Variants in CDH12 observed in about 807,000 individuals in gnomAD.
CDH12 encodes cadherin-12.
A neutral mutation model predicts 74.1 loss-of-function variants in CDH12; 41 were observed. The observed-to-expected ratio is 0.55, with a 90% confidence interval of 0.43 to 0.72. The LOEUF is 0.72. CDH12 is among the 30% of genes least tolerant of loss of function. The probability of loss-of-function intolerance (pLI) is 0.00; values close to 1 mark genes in which losing one functional copy is unlikely to be tolerated. For synonymous variants in CDH12, 399 were observed against 355.0 expected (o/e 1.12, Z -1.39); for missense variants, 945 against 977.2 (o/e 0.97, Z 0.44).
intron 3 of CDH12, among the ~76,000 whole-genome samples, chr5:22,244,519 AAAAAAAAAAAAAAAG>A (rs1752853442): frequency 1.1e-4 from 1 of 8,878 alleles, no homozygotes; most frequent in Non-Finnish European, 2.3e-4. Flanking sequence ...AAAAAAAAAA[AAAAAAAAAAAAAAAG>A]AAGAAGAAGA....
At position 22,087,318 on chromosome 5, in the gene CDH12, C is replaced by T. The variant is rs138232879; in HGVS notation, c.-186-8456G>A. Among the ~76,000 whole-genome samples the T allele has an allele frequency of 4.7e-3, 707 of 151,986 alleles. 7 individuals are homozygous for T. Among genetic ancestry groups the T allele is most frequent in the African/African-American group, 0.016 (679 of 41,450 alleles). On this transcript the variant is annotated intron_variant, in intron 4 of 14. Coordinates refer to ENST00000382254, the MANE Select transcript of CDH12 (RefSeq NM_004061.5). ...AATCTACTTTCTGTCAGACACTGAA[C>T]GAGTTTACAAGAAGTGATGTGACAA...
At chr5:21,894,231 T>C (rs1313919379) in intron 6 of CDH12, among the ~76,000 whole-genome samples, 2 of 151,728 alleles carry the variant, frequency 1.3e-5, no homozygotes, top group African/African-American at 4.8e-5. Flanking sequence ...ATACAAAAAT[T>C]AGCCAGGCAT....
At chr5:22,011,630 C>T (rs1460293303) in intron 5 of CDH12, among the ~76,000 whole-genome samples, 1 of 152,098 alleles carries the variant, frequency 6.6e-6, no homozygotes, top group Admixed American at 6.6e-5. Flanking sequence ...TGTATACTAA[C>T]TTAGTCCCTG....
At chr5:22,667,111 T>C (rs73742154) in intron 1 of CDH12, among the ~76,000 whole-genome samples, 2,911 of 152,324 alleles carry the variant, frequency 0.019, 87 homozygotes, top group African/African-American at 0.067. Flanking sequence ...TAATGAGCAC[T>C]TTCTTTGTGA....
intron 1 of CDH12, among the ~76,000 whole-genome samples, chr5:22,745,674 A>G (rs760801935): frequency 1.3e-5 from 2 of 152,188 alleles, no homozygotes; most frequent in African/African-American, 2.4e-5. Flanking sequence ...GGAACACAAA[A>G]TAAAATACCA....
intron 5 of CDH12, among the ~76,000 whole-genome samples, chr5:21,993,666 C>T (rs1736099981): frequency 6.6e-6 from 1 of 152,112 alleles, no homozygotes; most frequent in African/African-American, 2.4e-5. Context: ...TTCAAAGCTG[C>T]TTCTTCCCTA....
chr5:22,574,841 G>A (rs1739707210), intron 1 of CDH12, among the ~76,000 whole-genome samples: 1 of 152,102 alleles, frequency 6.6e-6, no homozygotes, highest in African/African-American at 2.4e-5. Context: ...TAGAATGAGT[G>A]TACTTTGTGA....
At chr5:22,735,638 C>CATT (rs957629592) in intron 1 of CDH12, among the ~76,000 whole-genome samples, 1 of 151,878 alleles carries the variant, frequency 6.6e-6, no homozygotes, top group Admixed American at 6.6e-5. Flanking sequence ...TATTTTTACA[C>CATT]ATTATATCAG....
intron 5 of CDH12, among the ~76,000 whole-genome samples, chr5:22,024,557 G>A (rs1283051896): frequency 1.3e-5 from 2 of 151,980 alleles, no homozygotes; most frequent in Admixed American, 6.6e-5. Context: ...CTGTCACCCA[G>A]GCTGGAGTAC....
intron 3 of CDH12, among the ~76,000 whole-genome samples, chr5:22,382,958 G>A (rs1227613474): frequency 6.6e-6 from 1 of 152,038 alleles, no homozygotes; most frequent in Non-Finnish European, 1.5e-5. Flanking sequence ...AGCCTTCTGA[G>A]TAGCTGGGAT....
chr5:22,310,635 C>G (rs1738349296), intron 3 of CDH12, among the ~76,000 whole-genome samples: 1 of 152,088 alleles, frequency 6.6e-6, no homozygotes. Context: ...AGCATCTACC[C>G]AAAAGAAAAA....
chr5:22,750,231 A>G (rs1223602689), intron 1 of CDH12, among the ~76,000 whole-genome samples: 1 of 152,198 alleles, frequency 6.6e-6, no homozygotes, highest in Non-Finnish European at 1.5e-5. Flanking sequence ...GAACATGAAC[A>G]AAGAGAGCCA....
chr5:22,653,028 C>T (rs1739821318), intron 1 of CDH12, among the ~76,000 whole-genome samples: 1 of 152,096 alleles, frequency 6.6e-6, no homozygotes, highest in Non-Finnish European at 1.5e-5. Flanking sequence ...TTTCTGTAAG[C>T]CCATAAACAT....
intron 11 of CDH12, among the ~76,000 whole-genome samples, chr5:21,767,832 C>G (rs991832166): frequency 6.6e-6 from 1 of 151,608 alleles, no homozygotes; most frequent in Non-Finnish European, 1.5e-5. Context: ...AACAACATCT[C>G]AGTTTGAGAA....
At chr5:22,229,446 C>CA (rs71609756) in intron 3 of CDH12, among the ~76,000 whole-genome samples, 49,445 of 100,478 alleles carry the variant, frequency 0.49, 9,842 homozygotes, top group South Asian at 0.61. Flanking sequence ...GACTCCGTCT[C>CA]AAAAAAAAAA....
intron 2 of CDH12, among the ~76,000 whole-genome samples, chr5:22,441,329 T>C (rs575157771): frequency 6.6e-4 from 100 of 152,216 alleles, no homozygotes; most frequent in African/African-American, 2.3e-3. Flanking sequence ...AGATGGACAA[T>C]ATTTATCTGA....
chr5:22,667,730 T>C (rs1042963754), intron 1 of CDH12, among the ~76,000 whole-genome samples: 2 of 152,230 alleles, frequency 1.3e-5, no homozygotes, highest in Admixed American at 6.5e-5. Context: ...AAAAGCTTCA[T>C]GGAATTTTAA....
chr5:22,414,072 CTG>C (rs1212731328), intron 2 of CDH12, among the ~76,000 whole-genome samples: 2 of 151,938 alleles, frequency 1.3e-5, no homozygotes, highest in Non-Finnish European at 2.9e-5. Context: ...GAGTACATAA[CTG>C]AACATATTTC....
chr5:22,126,103 A>T (rs1745850512), intron 4 of CDH12, among the ~76,000 whole-genome samples: 1 of 152,138 alleles, frequency 6.6e-6, no homozygotes, highest in Non-Finnish European at 1.5e-5. Context: ...AATAAAGCTT[A>T]CATAGGAGTA....
Sources: allele counts gnomAD v4.1 joint callset (sites outside exome capture counted in the v4.1 genomes callset), GRCh38; gene constraint gnomAD v4.1.1; transcripts MANE v1.5; gene names NCBI Gene and HGNC (gene_info 2026-07-23, HGNC 2026-07-21).